PLAC1: variants seen among roughly 807,000 people sequenced by gnomAD.
PLAC1 encodes the protein placenta associated 1.
For missense variants in PLAC1, 136 were observed against 163.2 expected, an observed-to-expected ratio of 0.83 and a Z score of 0.91; for synonymous variants, 68 against 62.1, an observed-to-expected ratio of 1.09 and a Z score of -0.44.
At chrX:134,614,026 T>A (rs1436556625) in intron 1 of PLAC1, among the ~76,000 whole-genome samples, 1 of 110,161 alleles carries the variant, frequency 9.1e-6, no homozygotes, top group East Asian at 2.9e-4. Flanking sequence ...AGCCTGCTCA[T>A]CCCAGCCTCT....
intron 2 of PLAC1, among the ~76,000 whole-genome samples, chrX:134,591,410 T>C (rs984235787): frequency 9.8e-5 from 11 of 112,791 alleles, no homozygotes; most frequent in African/African-American, 3.2e-4. Flanking sequence ...AGCTAGCATG[T>C]TTGCAATGGC....
chrX:134,675,853 C>A (rs768294141), intron 2 of PLAC1, among the ~76,000 whole-genome samples: 2 of 111,514 alleles, frequency 1.8e-5, no homozygotes, highest in South Asian at 3.8e-4. Context: ...CATTGCTCAA[C>A]CCTCTGCTGT....
intron 1 of PLAC1, among the ~76,000 whole-genome samples, chrX:134,620,608 T>A (rs2078205963): frequency 8.9e-6 from 1 of 112,008 alleles, no homozygotes; most frequent in African/African-American, 3.2e-5. Flanking sequence ...AGTTCCATCA[T>A]CTATTGCCTC....
chrX:134,625,347 C>T (rs1382245872), intron 1 of PLAC1, among the ~76,000 whole-genome samples: 1 of 111,908 alleles, frequency 8.9e-6, no homozygotes, highest in African/African-American at 3.3e-5. Context: ...AAAAACCTGC[C>T]TTTGTAGTGT....
intron 2 of PLAC1, among the ~76,000 whole-genome samples, chrX:134,676,660 T>C (rs1158346317): frequency 8.9e-6 from 1 of 112,426 alleles, no homozygotes; most frequent in Non-Finnish European, 1.9e-5. Context: ...CTGGACAGAA[T>C]GGAATGCTCA....
chrX:134,727,656 C>G, intron 2 of PLAC1, among the ~76,000 whole-genome samples: 1 of 112,212 alleles, frequency 8.9e-6, no homozygotes, highest in Non-Finnish European at 1.9e-5. Flanking sequence ...GCAGCAACAA[C>G]AACAAACGCT....
At chrX:134,750,097 A>T (rs1428366315) in intron 1 of PLAC1, among the ~76,000 whole-genome samples, 1 of 112,272 alleles carries the variant, frequency 8.9e-6, no homozygotes, top group Non-Finnish European at 1.9e-5. Context: ...TTATCAGAAG[A>T]TGTTTAAGAG....
intron 1 of PLAC1, among the ~76,000 whole-genome samples, chrX:134,616,466 C>A (rs1387644625): frequency 9.1e-6 from 1 of 110,470 alleles, no homozygotes; most frequent in Non-Finnish European, 1.9e-5. Context: ...GAAACCCCAT[C>A]TCTACTAAAA....
At chrX:134,709,727 T>C (rs963555037) in intron 2 of PLAC1, among the ~76,000 whole-genome samples, 2 of 112,140 alleles carry the variant, frequency 1.8e-5, no homozygotes, top group Non-Finnish European at 3.8e-5. Flanking sequence ...CAGAGATTGA[T>C]TATAAATCGT....
rs191333369 is a variant in PLAC1, at chrX:134,666,095, G to T, written n.175-63973C>A. Among the ~76,000 whole-genome samples the T allele has an allele frequency of 8.8e-4, 98 of 111,354 alleles. 1 individual carries two copies. The highest frequency in any genetic ancestry group is 3.1e-3 in the African/African-American group (95 of 30,600). The stretch of plus-strand genomic sequence containing the variant: ...CCATAGCAAGCAAACGCAGAATCGG[G>T]GACTCAAACCCAGGCTGTCTGGTAT... On this transcript the variant is annotated intron_variant and non_coding_transcript_variant, in intron 2 of 2. Transcript: ENST00000466797.
chrX:134,603,272 TATATATATATATATATATA>T (rs2078098270), intron 1 of PLAC1, among the ~76,000 whole-genome samples: 6 of 2,291 alleles, frequency 2.6e-3, no homozygotes, highest in African/African-American at 8.0e-3. Flanking sequence ...CTGTATTTTA[TATATATATATATATATATA>T]TATATATATA....
At chrX:134,750,348 C>T (rs1219737422) in intron 1 of PLAC1, among the ~76,000 whole-genome samples, 1 of 110,552 alleles carries the variant, frequency 9.0e-6, no homozygotes, top group Admixed American at 9.7e-5. Context: ...CCTGATATAC[C>T]GTATGCTGTG....
At chrX:134,670,042 C>T (rs1035948402) in intron 2 of PLAC1, among the ~76,000 whole-genome samples, 1 of 93,037 alleles carries the variant, frequency 1.1e-5, no homozygotes, top group African/African-American at 4.0e-5. Context: ...CTGAGAAACA[C>T]ATTTTTGTCT....
intron 2 of PLAC1, among the ~76,000 whole-genome samples, chrX:134,567,351 T>C (rs1055754363): frequency 2.3e-4 from 26 of 112,614 alleles, no homozygotes; most frequent in Non-Finnish European, 4.7e-4. Flanking sequence ...ATAGAGTCCC[T>C]GATAAATTCT....
At chrX:134,710,358 C>T (rs1304324444) in intron 2 of PLAC1, among the ~76,000 whole-genome samples, 3 of 111,805 alleles carry the variant, frequency 2.7e-5, no homozygotes, top group Non-Finnish European at 5.6e-5. Flanking sequence ...AGCTCATAAA[C>T]GACTTATGGG....
intron 2 of PLAC1, among the ~76,000 whole-genome samples, chrX:134,682,795 A>G (rs1442552353): frequency 9.0e-6 from 1 of 111,084 alleles, no homozygotes; most frequent in Non-Finnish European, 1.9e-5. Context: ...AATTCAGGTG[A>G]TCTGCCCCCC....
chrX:134,736,998 T>C (rs1467424726), intron 1 of PLAC1, among the ~76,000 whole-genome samples: 4 of 112,310 alleles, frequency 3.6e-5, no homozygotes, highest in Non-Finnish European at 7.5e-5. Context: ...CAGAGAGAAG[T>C]CTATGAAGAC....
chrX:134,581,378 C>T (rs1276523393), intron 2 of PLAC1, among the ~76,000 whole-genome samples: 1 of 110,396 alleles, frequency 9.1e-6, no homozygotes, highest in Non-Finnish European at 1.9e-5. Flanking sequence ...AGGGTGAAAG[C>T]GCCCTTCATT....
At chrX:134,741,233 TTGTTTA>T (rs919217360) in intron 1 of PLAC1, among the ~76,000 whole-genome samples, 2 of 112,271 alleles carry the variant, frequency 1.8e-5, no homozygotes, top group Admixed American at 1.9e-4. Flanking sequence ...TGAGGTTTTA[TTGTTTA>T]TGTTTAAGAC....
Sources: allele counts gnomAD v4.1 joint callset (sites outside exome capture counted in the v4.1 genomes callset), GRCh38; gene constraint gnomAD v4.1.1; transcripts MANE v1.5; gene names NCBI Gene and HGNC (gene_info 2026-07-23, HGNC 2026-07-21).